Variants in ANO6 observed in about 807,000 individuals in gnomAD.
ANO6 encodes anoctamin-6.
A neutral mutation model predicts 117.5 loss-of-function variants in ANO6; 106 were observed. That is an observed-to-expected ratio of 0.90 (90% CI 0.77 to 1.06). ANO6 has a LOEUF of 1.06. ANO6 is among the 50% of genes least tolerant of loss of function. The pLI is 0.00. For synonymous variants in ANO6, 367 were observed against 385.1 expected (o/e 0.95, Z 0.55); for missense variants, 955 against 1,121.1 (o/e 0.85, Z 2.12).
Position 45,363,953 on chromosome 12 carries a change from C to T in ANO6, c.999-3735C>T, listed in dbSNP as rs115857589. Among the ~76,000 whole-genome samples, 947 of 152,304 alleles carry T rather than the reference C, an allele frequency of 6.2e-3. 15 individuals are homozygous for T. The highest frequency in any genetic ancestry group is 0.022 in the African/African-American group (900 of 41,560). On this transcript the variant is annotated intron_variant, in intron 8 of 19. Transcript: ENST00000320560. Reference sequence around the variant, plus strand: ...GAACTAGTCTCAGGTATGTCTTTATCAGCAGTGTGAAAACAGACTAATATA... The same window carrying T: ...GAACTAGTCTCAGGTATGTCTTTATTAGCAGTGTGAAAACAGACTAATATA...
intron 12 of ANO6, among the ~76,000 whole-genome samples, chr12:45,399,486 G>C (rs923923708): frequency 6.6e-6 from 1 of 152,096 alleles, no homozygotes; most frequent in Admixed American, 6.5e-5. Flanking sequence ...GAGCCACCGC[G>C]CCTGGCCGAG....
intron 1 of ANO6, among the ~76,000 whole-genome samples, chr12:45,219,216 C>G (rs1947360168): frequency 6.6e-6 from 1 of 152,142 alleles, no homozygotes; most frequent in Admixed American, 6.5e-5. Flanking sequence ...TGGATGGGGT[C>G]CCTGATTATA....
intron 1 of ANO6, among the ~76,000 whole-genome samples, chr12:45,244,548 A>C (rs1947796579): frequency 1.3e-5 from 2 of 152,100 alleles, no homozygotes. Context: ...TTAGATTCTT[A>C]AGGGGTCCTT....
chr12:45,246,962 C>G (rs1045190270), intron 1 of ANO6, among the ~76,000 whole-genome samples: 2 of 151,756 alleles, frequency 1.3e-5, no homozygotes, highest in African/African-American at 4.8e-5. Flanking sequence ...GACAGAGTTT[C>G]GCTCTGTCGC....
intron 2 of ANO6, among the ~76,000 whole-genome samples, chr12:45,323,486 T>A (rs1407527442): frequency 6.6e-6 from 1 of 152,192 alleles, no homozygotes; most frequent in Non-Finnish European, 1.5e-5. Context: ...CCAACACAGG[T>A]AGTAATGAAT....
At chr12:45,381,315 G>T (rs1279405352) in intron 10 of ANO6, among the ~76,000 whole-genome samples, 1 of 152,192 alleles carries the variant, frequency 6.6e-6, no homozygotes, top group African/African-American at 2.4e-5. Flanking sequence ...GTTGATGTAA[G>T]AGTTTTAACT....
intron 12 of ANO6, among the ~76,000 whole-genome samples, chr12:45,391,458 C>T (rs1942447709): frequency 6.6e-6 from 1 of 152,094 alleles, no homozygotes; most frequent in Non-Finnish European, 1.5e-5. Flanking sequence ...ATCCATCAGA[C>T]AAGTGGAGAT....
At chr12:45,268,590 G>A (rs1385564515) in intron 1 of ANO6, among the ~76,000 whole-genome samples, 1 of 151,994 alleles carries the variant, frequency 6.6e-6, no homozygotes, top group Non-Finnish European at 1.5e-5. Flanking sequence ...ATAATGAAGA[G>A]CTACCTAAGA....
At chr12:45,310,945 G>C (rs571073370) in intron 2 of ANO6, among the ~76,000 whole-genome samples, 1 of 152,074 alleles carries the variant, frequency 6.6e-6, no homozygotes, top group Non-Finnish European at 1.5e-5. Flanking sequence ...GTGAATATTA[G>C]AAAAAAGGTC....
chr12:45,369,621 TG>T, intron 9 of ANO6, among the ~76,000 whole-genome samples: 1 of 151,596 alleles, frequency 6.6e-6, no homozygotes, highest in Non-Finnish European at 1.5e-5. Context: ...GGGGACTAAA[TG>T]GAAAAAAAAA....
At chr12:45,425,580 A>T (rs999918026) in intron 19 of ANO6, among the ~76,000 whole-genome samples, 1 of 152,244 alleles carries the variant, frequency 6.6e-6, no homozygotes, top group African/African-American at 2.4e-5. Context: ...AGAGTAGTCT[A>T]TCTCCAGAAT....
At chr12:45,437,190 A>G (rs567781087), downstream of ANO6, among the ~76,000 whole-genome samples, 1 of 152,296 alleles carries the variant, frequency 6.6e-6, no homozygotes, top group South Asian at 2.1e-4. Flanking sequence ...CAAACACAAA[A>G]CTATTTTCCT....
chr12:45,403,606 T>G, intron 15 of ANO6, 70 bp downstream of exon 15: 1 of 1,328,124 alleles, frequency 7.5e-7, no homozygotes, highest in Non-Finnish European at 1.1e-6. Flanking sequence ...ACAAATCATT[T>G]GCCTACATAG....
chr12:45,290,965 A>G (rs1023562201), intron 1 of ANO6, among the ~76,000 whole-genome samples: 2 of 152,214 alleles, frequency 1.3e-5, no homozygotes, highest in Non-Finnish European at 2.9e-5. Context: ...AATAGAATCA[A>G]GAGTCCAGAA....
intron 1 of ANO6, among the ~76,000 whole-genome samples, chr12:45,283,787 C>T (rs1938818403): frequency 6.6e-6 from 1 of 152,118 alleles, no homozygotes; most frequent in African/African-American, 2.4e-5. Context: ...ATTCTAATAC[C>T]TTAATGTCAC....
chr12:45,356,843 G>A (rs923880539), intron 7 of ANO6, among the ~76,000 whole-genome samples: 6 of 152,160 alleles, frequency 3.9e-5, no homozygotes, highest in African/African-American at 1.2e-4. Flanking sequence ...AGGCTCAACT[G>A]TATTTGTGAC....
At chr12:45,407,674 T>C (rs1942977456) in intron 15 of ANO6, among the ~76,000 whole-genome samples, 1 of 152,080 alleles carries the variant, frequency 6.6e-6, no homozygotes, top group Admixed American at 6.5e-5. Context: ...ATAGGCCATA[T>C]TTACACTTGG....
chr12:45,358,328 T>C (rs1026971722), intron 8 of ANO6, among the ~76,000 whole-genome samples: 13 of 152,256 alleles, frequency 8.5e-5, no homozygotes, highest in Non-Finnish European at 1.5e-4. Flanking sequence ...GTACCCATTA[T>C]GGCTTCTTAG....
chr12:45,216,941 A>G (rs1947324079), intron 1 of ANO6, among the ~76,000 whole-genome samples: 1 of 152,078 alleles, frequency 6.6e-6, no homozygotes, highest in Non-Finnish European at 1.5e-5. Flanking sequence ...ACCCTTTCCC[A>G]TCTGCGGAGC....
Sources: allele counts gnomAD v4.1 joint callset (sites outside exome capture counted in the v4.1 genomes callset), GRCh38; gene constraint gnomAD v4.1.1; transcripts MANE v1.5; gene names NCBI Gene and HGNC (gene_info 2026-07-23, HGNC 2026-07-21).